Variants in CD44 observed in about 807,000 individuals in gnomAD.
The protein encoded by CD44 is CD44 antigen.
CD44 carries 49 observed loss-of-function variants against 88.8 expected under a neutral mutation model. The observed-to-expected ratio is 0.55, with a 90% CI of 0.44 to 0.70. CD44 has a LOEUF of 0.70. Among genes scored for constraint, CD44 ranks in the 30% least tolerant of loss-of-function variants. CD44 has a pLI of 0.00. For synonymous variants in CD44, 325 were observed against 312.3 expected, an observed-to-expected ratio of 1.04 and a Z score of -0.43; for missense variants, 883 against 913.8, an observed-to-expected ratio of 0.97 and a Z score of 0.43.
intron 2 of CD44, 130 bp downstream of exon 2, chr11:35,176,870 T>C (rs1227563104): frequency 4.7e-6 from 4 of 844,376 alleles, no homozygotes; most frequent in Admixed American, 3.0e-5. Flanking sequence ...CACGTATTAA[T>C]TTGGCCAAGT....
At chr11:35,143,081 T>G (rs1858325106) in intron 1 of CD44, among the ~76,000 whole-genome samples, 1 of 152,304 alleles carries the variant, frequency 6.6e-6, no homozygotes, top group South Asian at 2.1e-4. Context: ...CCTTAAATAC[T>G]ACCTTACAGA....
chr11:35,218,174 C>T lies in CD44; in HGVS notation c.1874-1142C>T, dbSNP rs138788275. Reference sequence around the variant, plus strand: ...CTTGAGGATTGTCTGTCTTGCGATACTTCCTCCCAGTTTAAGGCATTTTGT... The same window carrying T: ...CTTGAGGATTGTCTGTCTTGCGATATTTCCTCCCAGTTTAAGGCATTTTGT... On this transcript the variant is annotated intron_variant, in intron 15 of 17. Coordinates refer to ENST00000428726, the MANE Select transcript of CD44 (RefSeq NM_000610.4). Among the ~76,000 whole-genome samples the T allele has an allele frequency of 4.8e-3, 728 of 152,254 alleles. 7 individuals carry two copies. Among genetic ancestry groups the T allele is most frequent in the African/African-American group, 0.017 (707 of 41,550 alleles).
chr11:35,150,823 G>T (rs1462766238), intron 1 of CD44, among the ~76,000 whole-genome samples: 1 of 152,200 alleles, frequency 6.6e-6, no homozygotes, highest in Non-Finnish European at 1.5e-5. Context: ...TGTGGGCAAG[G>T]TCCTTCCCCT....
At chr11:35,177,470 T>G (rs1169815511) in intron 2 of CD44, among the ~76,000 whole-genome samples, 1 of 152,236 alleles carries the variant, frequency 6.6e-6, no homozygotes, top group East Asian at 1.9e-4. Context: ...GTGGTTCGAT[T>G]TGTTTTCACT....
intron 4 of CD44, among the ~76,000 whole-genome samples, chr11:35,189,357 TATTA>T (rs1323878456): frequency 6.6e-6 from 1 of 152,236 alleles, no homozygotes; most frequent in African/African-American, 2.4e-5. Context: ...CTGCTGAGGC[TATTA>T]GTCTGCTACT....
intron 1 of CD44, among the ~76,000 whole-genome samples, chr11:35,141,314 G>A (rs1010675422): frequency 6.6e-6 from 1 of 152,144 alleles, no homozygotes; most frequent in African/African-American, 2.4e-5. Flanking sequence ...AACTTGGAAG[G>A]ATTTCAGGGA....
intron 5 of CD44, among the ~76,000 whole-genome samples, chr11:35,196,040 G>A (rs1382068748): frequency 1.3e-5 from 2 of 152,008 alleles, no homozygotes; most frequent in Middle Eastern, 3.2e-3. Flanking sequence ...CTAAATTCTT[G>A]GAGAATGATA....
intron 15 of CD44, among the ~76,000 whole-genome samples, chr11:35,216,006 CA>C (rs369111190): frequency 4.6e-5 from 7 of 151,278 alleles, no homozygotes; most frequent in African/African-American, 1.7e-4. Context: ...CCCCATGTTA[CA>C]GATGAGGAAA....
At chr11:35,167,286 T>G (rs764967837) in intron 1 of CD44, among the ~76,000 whole-genome samples, 5 of 152,112 alleles carry the variant, frequency 3.3e-5, no homozygotes, top group Non-Finnish European at 5.9e-5. Flanking sequence ...GTTTTTGTTT[T>G]TTGTTTGTTT....
chr11:35,180,851 A>G (rs1398171615), intron 3 of CD44, among the ~76,000 whole-genome samples: 1 of 152,214 alleles, frequency 6.6e-6, no homozygotes, highest in Non-Finnish European at 1.5e-5. Flanking sequence ...AGCTTGCCCT[A>G]TATGAAGTCT....
chr11:35,181,847 ATT>A (rs1328848575), intron 3 of CD44, among the ~76,000 whole-genome samples: 1 of 82,912 alleles, frequency 1.2e-5, no homozygotes, highest in Non-Finnish European at 2.2e-5. Context: ...TAAAAATTAT[ATT>A]TATATATAAA....
At chr11:35,187,710 G>A (rs576497220) in intron 4 of CD44, among the ~76,000 whole-genome samples, 1 of 152,168 alleles carries the variant, frequency 6.6e-6, no homozygotes, top group South Asian at 2.1e-4. Context: ...CAGGTGTAGG[G>A]GCATTTTGGC....
intron 12 of CD44, among the ~76,000 whole-genome samples, chr11:35,209,581 T>G (rs1039748777): frequency 6.6e-6 from 1 of 152,158 alleles, no homozygotes; most frequent in African/African-American, 2.4e-5. Flanking sequence ...AGTTAGGTGC[T>G]TTTGGTTACT....
In CD44 at chr11:35,222,905, G is replaced by A. The variant is rs191397538; in HGVS notation, c.2024+1173G>A. On this transcript the variant is annotated intron_variant, in intron 17 of 17. Transcript: ENST00000428726. ...CAGAAAAATGCCCCTCAGTCTGGGA[G>A]AAGACCTAGAGAGAATTATGGACTC... is the stretch of plus-strand genomic sequence containing the variant. 3.0e-5 allele frequency: 30 copies of A among 985,372 alleles called. No homozygotes were observed. The African/African-American group carries it at 5.2e-4, about 17-fold the overall frequency. The allele number at this position is 985,372 out of a possible 1,614,324, so 61.0% of individuals were successfully genotyped here. A position where few individuals can be genotyped will look rare whatever the true frequency, so the allele number is the denominator to read the frequency against.
chr11:35,191,222 C>T (rs1353296643), intron 5 of CD44, among the ~76,000 whole-genome samples: 1 of 152,188 alleles, frequency 6.6e-6, no homozygotes, highest in Non-Finnish European at 1.5e-5. Flanking sequence ...CCTTGTCACC[C>T]AGAAGCCAGG....
At chr11:35,219,706 T>C (rs1949131526) in intron 16 of CD44, among the ~76,000 whole-genome samples, 1 of 152,218 alleles carries the variant, frequency 6.6e-6, no homozygotes, top group Non-Finnish European at 1.5e-5. Context: ...GAGGACCCCA[T>C]GTCATACCTA....
Position 35,197,005 on chromosome 11 carries a change from G to A in CD44, c.796+131G>A. The A allele has an allele frequency of 3.7e-6, 3 of 816,638 alleles. No homozygotes were observed. The East Asian group carries it at 8.1e-5, about 22-fold the overall frequency. 50.6% of individuals were successfully genotyped at this position (816,638 alleles called of 1,614,324 possible). On this transcript the variant is annotated intron_variant, in intron 6 of 17. Coordinates refer to ENST00000428726, the MANE Select transcript of CD44 (RefSeq NM_000610.4). ...CAAATTTTCGTTATGACTTCAGAAG[G>A]ATCATTAACTCTGGTATCTGTTTGT...
chr11:35,184,352 G>A (rs1945447390), intron 3 of CD44, among the ~76,000 whole-genome samples: 1 of 152,204 alleles, frequency 6.6e-6, no homozygotes, highest in Non-Finnish European at 1.5e-5. Flanking sequence ...ACAACTTGCT[G>A]CCTGGAAATT....
At chr11:35,225,020 C>G (rs942977967) in intron 17 of CD44, among the ~76,000 whole-genome samples, 1 of 136,116 alleles carries the variant, frequency 7.3e-6, no homozygotes, top group East Asian at 2.1e-4. Context: ...CTGTCTAGAA[C>G]AGTGCTATGC....
Sources: allele counts gnomAD v4.1 joint callset (sites outside exome capture counted in the v4.1 genomes callset), GRCh38; gene constraint gnomAD v4.1.1; transcripts MANE v1.5; gene names NCBI Gene and HGNC (gene_info 2026-07-23, HGNC 2026-07-21).